RBM26: variants seen among roughly 807,000 people sequenced by gnomAD.
RBM26 encodes RNA-binding protein 26.
A neutral mutation model predicts 123.6 loss-of-function variants in RBM26; 30 were observed. That is an observed-to-expected ratio of 0.24 (90% CI 0.18 to 0.33). RBM26 has a LOEUF of 0.33. Ranked by LOEUF, RBM26 falls within the 10% of genes least tolerant of loss-of-function variation. RBM26 has a pLI of 1.00. For synonymous variants in RBM26, 400 were observed against 404.4 expected (o/e 0.99, Z 0.13); for missense variants, 947 against 1,203.6 (o/e 0.79, Z 3.15).
intron 1 of RBM26, among the ~76,000 whole-genome samples, chr13:79,403,658 G>C (rs1235053830): frequency 6.6e-6 from 1 of 152,150 alleles, no homozygotes; most frequent in African/African-American, 2.4e-5. Context: ...TGGAAGCCCT[G>C]AGTTAAGTAA....
chr13:79,377,322 T>C, intron 3 of RBM26, 57 bp downstream of exon 3: 1 of 1,474,000 alleles, frequency 6.8e-7, no homozygotes, highest in Non-Finnish European at 9.4e-7. Flanking sequence ...AAAACTCAGT[T>C]TGGTTATTCC....
intron 20 of RBM26, among the ~76,000 whole-genome samples, chr13:79,325,043 T>A (rs1049179161): frequency 1.6e-4 from 25 of 152,216 alleles, no homozygotes; most frequent in African/African-American, 5.8e-4. Flanking sequence ...TTCCTATTGC[T>A]TAGTGACCTT....
chr13:79,378,681 C>A (rs1008089897), intron 2 of RBM26, 108 bp downstream of exon 2: 1 of 568,766 alleles, frequency 1.8e-6, no homozygotes, highest in Non-Finnish European at 3.1e-6. Context: ...CTCAGGTGAT[C>A]CACCCACCTC....
At chr13:79,335,834 A>T (rs2070273888) in intron 19 of RBM26, among the ~76,000 whole-genome samples, 1 of 152,154 alleles carries the variant, frequency 6.6e-6, no homozygotes, top group African/African-American at 2.4e-5. Context: ...AAAACTATAC[A>T]CAACATACAA....
chr13:79,314,983 ATC>A, downstream of RBM26: 1 of 1,301,512 alleles, frequency 7.7e-7, no homozygotes, highest in Non-Finnish European at 1.0e-6. Flanking sequence ...GGCAATGATG[ATC>A]TCTCTCTGCT....
intron 20 of RBM26, among the ~76,000 whole-genome samples, chr13:79,323,186 T>C (rs2067898015): frequency 6.6e-6 from 1 of 151,522 alleles, no homozygotes; most frequent in African/African-American, 2.4e-5. Context: ...GTTTGGAAAC[T>C]GCATTCAAAT....
rs2067435854 is a variant in RBM26, at chr13:79,319,363, C to G, written c.*1258G>C. ...ATATAAATATGTAATCTCCCACCCC[C>G]ATTCTACAAAGAATGCATTTATTTC... On this transcript the variant is annotated 3_prime_UTR_variant, in exon 22 of 22. Coordinates refer to ENST00000438737, the MANE Select transcript of RBM26 (RefSeq NM_001366735.2). 1 of 983,886 alleles carries G rather than the reference C, an allele frequency of 1.0e-6. No individual in the cohort carries two copies. Among genetic ancestry groups the G allele is most frequent in the South Asian group, 4.7e-5 (1 of 21,274 alleles). 60.9% of individuals were successfully genotyped at this position (983,886 alleles called of 1,614,324 possible). A position where few individuals can be genotyped will look rare whatever the true frequency, so the allele number is the denominator to read the frequency against.
chr13:79,394,414 T>C (rs1351444801), intron 1 of RBM26, among the ~76,000 whole-genome samples: 3 of 152,180 alleles, frequency 2.0e-5, no homozygotes, highest in African/African-American at 7.2e-5. Context: ...TAGAGGTTAC[T>C]ACTTTCTGTC....
At chr13:79,373,435 ATAT>A (rs1448378731) in intron 3 of RBM26, among the ~76,000 whole-genome samples, 2 of 55,458 alleles carry the variant, frequency 3.6e-5, no homozygotes, top group Non-Finnish European at 6.3e-5. Flanking sequence ...ATATAAATAT[ATAT>A]TATATATTAT....
chr13:79,357,032 G>A (rs1594272456), intron 11 of RBM26, among the ~76,000 whole-genome samples: 1 of 114,064 alleles, frequency 8.8e-6, no homozygotes, highest in African/African-American at 2.9e-5. Flanking sequence ...GTATACTATG[G>A]GCTCATAAAT....
chr13:79,399,312 T>C (rs2078865562), intron 1 of RBM26, among the ~76,000 whole-genome samples: 1 of 152,232 alleles, frequency 6.6e-6, no homozygotes, highest in Non-Finnish European at 1.5e-5. Flanking sequence ...GAATAAAGTA[T>C]GCTAATTCAT....
intron 18 of RBM26, among the ~76,000 whole-genome samples, 158 bp from the exon 19 acceptor site, chr13:79,337,460 G>C (rs1156508785): frequency 6.6e-6 from 1 of 152,188 alleles, no homozygotes; most frequent in African/African-American, 2.4e-5. Context: ...TTTTAGTTTA[G>C]TGAAAGTAAA....
At chr13:79,353,044 A>C in intron 14 of RBM26, 109 bp downstream of exon 14, 1 of 546,304 alleles carries the variant, frequency 1.8e-6, no homozygotes, top group Non-Finnish European at 3.1e-6. Context: ...AAAGATACAG[A>C]TACTATTAAG....
chr13:79,350,924 T>C (rs2073123091), intron 14 of RBM26, among the ~76,000 whole-genome samples: 1 of 152,146 alleles, frequency 6.6e-6, no homozygotes, highest in Non-Finnish European at 1.5e-5. Context: ...TGAAGATGAA[T>C]AAAAGTTACA....
At chr13:79,359,749 G>T in intron 9 of RBM26, 63 bp from the exon 10 acceptor site, 1 of 731,706 alleles carries the variant, frequency 1.4e-6, no homozygotes. Context: ...ATTTATCATA[G>T]ATACCTTCCT....
At chr13:79,341,763 G>C (rs1242633791) in intron 17 of RBM26, among the ~76,000 whole-genome samples, 1 of 151,680 alleles carries the variant, frequency 6.6e-6, no homozygotes, top group African/African-American at 2.4e-5. Context: ...TGTTTCACTT[G>C]TTCAAAGAAT....
intron 9 of RBM26, among the ~76,000 whole-genome samples, chr13:79,361,133 T>G (rs2074629481): frequency 6.6e-6 from 1 of 152,122 alleles, no homozygotes; most frequent in Non-Finnish European, 1.5e-5. Flanking sequence ...CAAATTATTT[T>G]CATATTAAGT....
intron 14 of RBM26, among the ~76,000 whole-genome samples, chr13:79,349,628 G>A (rs536731324): frequency 6.6e-6 from 1 of 151,008 alleles, no homozygotes; most frequent in South Asian, 2.1e-4. Context: ...AATCCTGAGA[G>A]GCCACTGAAT....
At chr13:79,322,534 CTAACAT>C in intron 20 of RBM26, 72 bp from the exon 21 acceptor site, 2 of 980,062 alleles carry the variant, frequency 2.0e-6, no homozygotes, top group Non-Finnish European at 3.0e-6. Context: ...GTCATAGTGC[CTAACAT>C]TAAAATTAAA....
Sources: gnomAD v4.1 joint callset for allele counts (sites outside exome capture counted in the v4.1 genomes callset) on GRCh38, gnomAD v4.1.1 for gene constraint, MANE v1.5 for transcripts, NCBI Gene and HGNC (gene_info 2026-07-23, HGNC 2026-07-21) for gene names.